Variants in CSGALNACT1 observed in about 807,000 individuals in gnomAD.
CSGALNACT1 encodes chondroitin sulfate N-acetylgalactosaminyltransferase 1.
CSGALNACT1 carries 52 observed loss-of-function variants against 51.0 expected under a neutral mutation model. The ratio of observed to expected loss-of-function variants is 1.02; its 90% CI spans 0.82 to 1.29. CSGALNACT1 has a LOEUF of 1.29. CSGALNACT1 is among the 50% of genes most tolerant of loss of function. The probability of loss-of-function intolerance (pLI) is 0.00; values close to 1 mark genes in which losing one functional copy is unlikely to be tolerated. For synonymous variants in CSGALNACT1, 341 were observed against 254.4 expected, an observed-to-expected ratio of 1.34 and a Z score of -3.24; for missense variants, 935 against 679.2, an observed-to-expected ratio of 1.38 and a Z score of -4.19.
At chr8:19,630,718 G>C (rs1237063446) in intron 1 of CSGALNACT1, among the ~76,000 whole-genome samples, 1 of 152,114 alleles carries the variant, frequency 6.6e-6, no homozygotes, top group East Asian at 1.9e-4. Flanking sequence ...CATATAGTTG[G>C]AACTACATAG....
At chr8:19,604,963 G>T (rs1209094105), upstream of CSGALNACT1, among the ~76,000 whole-genome samples, 6 of 150,098 alleles carry the variant, frequency 4.0e-5, no homozygotes, top group Admixed American at 2.7e-4. Context: ...TAACACAGCT[G>T]CATGGAAGTG....
At chr8:19,429,926 T>A (rs1464964713) in intron 6 of CSGALNACT1, among the ~76,000 whole-genome samples, 2 of 152,238 alleles carry the variant, frequency 1.3e-5, no homozygotes, top group South Asian at 4.1e-4. Flanking sequence ...CCGGTGAGTG[T>A]AGTTTGCATT....
intron 1 of CSGALNACT1, among the ~76,000 whole-genome samples, chr8:19,666,831 G>GAGAGAGAAAGAAAGAA (rs1554794476): frequency 8.0e-5 from 2 of 24,936 alleles, no homozygotes; most frequent in Non-Finnish European, 1.5e-4. Context: ...GAGAGAGAGA[G>GAGAGAGAAAGAAAGAA]AGAAAGAAAG....
chr8:19,728,370 T>C (rs1046442751), intron 1 of CSGALNACT1, among the ~76,000 whole-genome samples: 4 of 152,154 alleles, frequency 2.6e-5, no homozygotes, highest in South Asian at 2.1e-4. Context: ...TGAATAAGAA[T>C]GCAGGCTAAA....
At chr8:19,735,529 C>T (rs1240024773) in intron 1 of CSGALNACT1, among the ~76,000 whole-genome samples, 3 of 152,028 alleles carry the variant, frequency 2.0e-5, no homozygotes, top group South Asian at 2.1e-4. Context: ...AAAAACCATG[C>T]TGCAAAATTA....
intron 4 of CSGALNACT1, among the ~76,000 whole-genome samples, chr8:19,463,228 G>A (rs1292715137): frequency 6.6e-6 from 1 of 152,112 alleles, no homozygotes; most frequent in Admixed American, 6.6e-5. Context: ...CACTGCTGAT[G>A]GGCATCTAGG....
At chr8:19,483,332 TA>T (rs1210674159) in intron 4 of CSGALNACT1, among the ~76,000 whole-genome samples, 1 of 152,236 alleles carries the variant, frequency 6.6e-6, no homozygotes, top group African/African-American at 2.4e-5. Context: ...CATGTGAAGT[TA>T]AAGCACTTCA....
At chr8:19,661,346 A>C (rs1253076229) in intron 1 of CSGALNACT1, among the ~76,000 whole-genome samples, 1 of 152,112 alleles carries the variant, frequency 6.6e-6, no homozygotes, top group East Asian at 1.9e-4. Context: ...TACTGCTGTC[A>C]CCTGGCCCAG....
At chr8:19,458,845 G>A (rs1361093630) in intron 4 of CSGALNACT1, among the ~76,000 whole-genome samples, 1 of 152,100 alleles carries the variant, frequency 6.6e-6, no homozygotes, top group Non-Finnish European at 1.5e-5. Flanking sequence ...TCACAGTTAT[G>A]AAGACTGCAT....
chr8:19,656,036 T>C (rs1185734297), intron 1 of CSGALNACT1, among the ~76,000 whole-genome samples: 1 of 152,058 alleles, frequency 6.6e-6, no homozygotes, highest in Non-Finnish European at 1.5e-5. Context: ...TAGGGCAGAA[T>C]GGAAGGGGGT....
intron 3 of CSGALNACT1, among the ~76,000 whole-genome samples, chr8:19,573,596 A>T (rs112806235): frequency 6.6e-6 from 1 of 152,118 alleles, no homozygotes; most frequent in East Asian, 1.9e-4. Flanking sequence ...GGTGTGAATC[A>T]CCACATCCAG....
intron 3 of CSGALNACT1, among the ~76,000 whole-genome samples, chr8:19,573,281 C>T (rs1336367817): frequency 6.6e-6 from 1 of 152,196 alleles, no homozygotes; most frequent in Non-Finnish European, 1.5e-5. Flanking sequence ...AGCACAACTG[C>T]TGGAAAGTGA....
intron 1 of CSGALNACT1, among the ~76,000 whole-genome samples, chr8:19,624,985 C>T (rs1299400820): frequency 6.6e-6 from 1 of 152,178 alleles, no homozygotes; most frequent in Non-Finnish European, 1.5e-5. Flanking sequence ...CCGGTTTCAC[C>T]ATCTTCTTGC....
intron 1 of CSGALNACT1, among the ~76,000 whole-genome samples, chr8:19,628,638 G>T (rs1001144834): frequency 2.0e-5 from 3 of 151,922 alleles, no homozygotes; most frequent in African/African-American, 7.3e-5. Flanking sequence ...AGAGCTTTCA[G>T]TCTTAATCAA....
chr8:19,507,142 G>T (rs1461478237), intron 3 of CSGALNACT1, among the ~76,000 whole-genome samples: 1 of 152,198 alleles, frequency 6.6e-6, no homozygotes, highest in Non-Finnish European at 1.5e-5. Flanking sequence ...AATGGTTCCA[G>T]CTAACTCTTT....
chr8:19,552,753 T>C (rs573738688), intron 3 of CSGALNACT1, among the ~76,000 whole-genome samples: 9 of 152,332 alleles, frequency 5.9e-5, no homozygotes, highest in South Asian at 2.1e-4. Flanking sequence ...AGTTTCCTTG[T>C]GTAAAAAGTG....
At chr8:19,406,180 T>A in intron 9 of CSGALNACT1, 111 bp from the exon 9 acceptor site, 4 of 1,227,574 alleles carry the variant, frequency 3.3e-6, no homozygotes, top group Non-Finnish European at 4.8e-6. Context: ...GGATGCGTGC[T>A]TCACCACCAC....
chr8:19,666,999 GAAAGAAAGAAA>G (rs2059363849), intron 1 of CSGALNACT1, among the ~76,000 whole-genome samples: 1 of 26,054 alleles, frequency 3.8e-5, no homozygotes, highest in Non-Finnish European at 7.2e-5. Flanking sequence ...AAGAAAGAAA[GAAAGAAAGAAA>G]GAAAGAAAGG....
chr8:19,471,318 G>T (rs1008872121), intron 4 of CSGALNACT1, among the ~76,000 whole-genome samples: 1 of 152,152 alleles, frequency 6.6e-6, no homozygotes, highest in Non-Finnish European at 1.5e-5. Flanking sequence ...GAAGAGGCGA[G>T]CCTATAAAAT....
Sources: gnomAD v4.1 joint callset for allele counts (sites outside exome capture counted in the v4.1 genomes callset) on GRCh38, gnomAD v4.1.1 for gene constraint, MANE v1.5 for transcripts, NCBI Gene and HGNC (gene_info 2026-07-23, HGNC 2026-07-21) for gene names.